Variants in NOL4L observed in about 807,000 individuals in gnomAD.
The protein encoded by NOL4L is nucleolar protein 4-like.
A neutral mutation model predicts 64.5 loss-of-function variants in NOL4L; 7 were observed. The ratio of observed to expected loss-of-function variants is 0.11; its 90% CI spans 0.06 to 0.20. The LOEUF (loss-of-function observed/expected upper bound fraction) is 0.20, where lower values mean the gene tolerates loss of function less well. NOL4L is among the 10% of genes least tolerant of loss of function. NOL4L has a pLI of 1.00. For synonymous variants in NOL4L, 413 were observed against 401.0 expected, an observed-to-expected ratio of 1.03 and a Z score of -0.36; for missense variants, 680 against 967.1, an observed-to-expected ratio of 0.70 and a Z score of 3.94.
chr20:32,488,794 T>TCTTCCTTCCTTCCTTC (rs2016251004), intron 4 of NOL4L, among the ~76,000 whole-genome samples: 1 of 48,720 alleles, frequency 2.1e-5, no homozygotes, highest in Non-Finnish European at 3.7e-5. Flanking sequence ...TTCCTTCCTT[T>TCTTCCTTCCTTCCTTC]CTTTCTTTCT....
chr20:32,536,512 C>A (rs2018530516), intron 1 of NOL4L: 1 of 139,440 alleles, frequency 7.2e-6, no homozygotes, highest in Admixed American at 7.1e-5. Flanking sequence ...GGCGGCCGCG[C>A]TCTCTTCACG....
At chr20:32,481,951 T>C (rs1367960708) in intron 4 of NOL4L, among the ~76,000 whole-genome samples, 4 of 1,908 alleles carry the variant, frequency 2.1e-3, no homozygotes, top group Non-Finnish European at 3.6e-3. Flanking sequence ...GTGTGTGAGT[T>C]GGTGGGGCGG....
chr20:32,584,133 G>GCGCGCT, intron 1 of NOL4L, among the ~76,000 whole-genome samples: 1 of 88,822 alleles, frequency 1.1e-5, no homozygotes, highest in Non-Finnish European at 2.1e-5. Flanking sequence ...CTCCGCGCGC[G>GCGCGCT]CACACACACA....
Position 32,524,500 on chromosome 20 carries a change from C to G in NOL4L, c.477+3258G>C, listed in dbSNP as rs1057066684. ...TTAGTGCACTGAAAAAGTCTGCCACCGCCCTGCCAGTCCTAACTCCTATAG... is the reference window on the plus strand; with the variant it reads ...TTAGTGCACTGAAAAAGTCTGCCACGGCCCTGCCAGTCCTAACTCCTATAG... On this transcript the variant is annotated intron_variant, in intron 2 of 10. Transcript: ENST00000621426. 2.3e-4 allele frequency among the ~76,000 whole-genome samples: 35 copies of G among 152,318 alleles called. 1 individual carries two copies. Among genetic ancestry groups the G allele is most frequent in the African/African-American group, 7.9e-4 (33 of 41,580 alleles).
intron 4 of NOL4L, among the ~76,000 whole-genome samples, chr20:32,496,568 T>G (rs913695128): frequency 2.6e-5 from 4 of 151,870 alleles, no homozygotes; most frequent in Non-Finnish European, 5.9e-5. Context: ...TTTTTTTTTT[T>G]TGAGAGAGTT....
In NOL4L at chr20:32,443,138, ATACT is replaced by A. The variant is rs985438256; in HGVS notation, c.*4454_*4457del. On this transcript the variant is annotated 3_prime_UTR_variant, in exon 11 of 11. Transcript: ENST00000621426. ...AGATTCAAAAGGAAAAGGATTCCAC[ATACT>A]TATGAAATCAGTGCATTTAGCAAGT... 5.3e-5 allele frequency: 8 copies of A among 152,244 alleles called. No homozygotes were observed. The highest frequency in any genetic ancestry group is 1.7e-4 in the African/African-American group (7 of 41,470). The allele number at this position is 152,244 out of a possible 1,614,324, so 9.4% of individuals were successfully genotyped here.
intron 1 of NOL4L, among the ~76,000 whole-genome samples, chr20:32,546,525 C>A (rs2018735878): frequency 1.3e-5 from 2 of 152,320 alleles, no homozygotes; most frequent in South Asian, 4.1e-4. Flanking sequence ...TCACAGCAAC[C>A]TCCAGCTCCT....
chr20:32,545,649 G>A (rs978053169), intron 1 of NOL4L, among the ~76,000 whole-genome samples: 12 of 152,194 alleles, frequency 7.9e-5, no homozygotes, highest in African/African-American at 2.9e-4. Context: ...CACCCTGAAG[G>A]CATCCTTGAC....
intron 4 of NOL4L, among the ~76,000 whole-genome samples, chr20:32,489,125 AT>A (rs11340689): frequency 0.18 from 25,098 of 142,004 alleles, 3,781 homozygotes; most frequent in African/African-American, 0.42. Flanking sequence ...ATATCATCTG[AT>A]TTTTTTTTTT....
intron 5 of NOL4L, among the ~76,000 whole-genome samples, chr20:32,473,041 A>G (rs555856800): frequency 8.3e-4 from 127 of 152,214 alleles, no homozygotes; most frequent in Non-Finnish European, 1.3e-3. Flanking sequence ...CCTGATCCTG[A>G]CAGCCCCCAA....
chr20:32,554,439 A>G (rs1280630707), intron 1 of NOL4L, among the ~76,000 whole-genome samples: 1 of 152,072 alleles, frequency 6.6e-6, no homozygotes, highest in Non-Finnish European at 1.5e-5. Context: ...GCTCATGGGC[A>G]GAGAGACCCA....
At chr20:32,545,603 C>T (rs1384575102) in intron 1 of NOL4L, among the ~76,000 whole-genome samples, 1 of 152,222 alleles carries the variant, frequency 6.6e-6, no homozygotes, top group African/African-American at 2.4e-5. Flanking sequence ...ACTTCCTCCC[C>T]CAGCAGGCTT....
intron 5 of NOL4L, among the ~76,000 whole-genome samples, chr20:32,461,621 A>G (rs1296790670): frequency 6.7e-6 from 1 of 149,614 alleles, no homozygotes; most frequent in Non-Finnish European, 1.5e-5. Context: ...ATGGGGTTTC[A>G]CCGTGTTAGC....
intron 4 of NOL4L, among the ~76,000 whole-genome samples, chr20:32,488,663 C>G (rs2016199370): frequency 6.6e-6 from 1 of 152,212 alleles, no homozygotes; most frequent in Non-Finnish European, 1.5e-5. Flanking sequence ...CTCCTCTTCA[C>G]TTGGGAATGT....
chr20:32,475,921 G>A (rs528578209), intron 4 of NOL4L, among the ~76,000 whole-genome samples: 21 of 152,286 alleles, frequency 1.4e-4, no homozygotes, highest in South Asian at 2.1e-4. Flanking sequence ...CCACCGGCTG[G>A]GCTGGTAGGG....
intron 4 of NOL4L, chr20:32,509,969 C>T: frequency 2.3e-6 from 3 of 1,300,212 alleles, no homozygotes; most frequent in South Asian, 1.2e-5. Flanking sequence ...ACAGATTGCT[C>T]TTCAGTGGCA....
intron 1 of NOL4L, among the ~76,000 whole-genome samples, chr20:32,559,063 G>A (rs764271871): frequency 1.9e-4 from 29 of 152,222 alleles, no homozygotes; most frequent in Non-Finnish European, 3.4e-4. Context: ...GAAGAGAGCT[G>A]TAGTGTGGCC....
intron 1 of NOL4L, among the ~76,000 whole-genome samples, chr20:32,570,514 C>G (rs375851756): frequency 9.4e-4 from 143 of 152,328 alleles, no homozygotes; most frequent in Non-Finnish European, 1.7e-3. Context: ...TACCCTTCCC[C>G]CTCCTGTCCC....
intron 1 of NOL4L, among the ~76,000 whole-genome samples, chr20:32,541,007 C>CCACACA (rs2018644646): frequency 1.0e-4 from 6 of 57,472 alleles, no homozygotes; most frequent in Admixed American, 8.2e-4. Context: ...TCGCCACCCC[C>CCACACA]TACACACACA....
Sources: gnomAD v4.1 joint callset for allele counts (sites outside exome capture counted in the v4.1 genomes callset) on GRCh38, gnomAD v4.1.1 for gene constraint, MANE v1.5 for transcripts, NCBI Gene and HGNC (gene_info 2026-07-23, HGNC 2026-07-21) for gene names.